Variants in TDP1 observed in about 807,000 individuals in gnomAD.
TDP1 encodes tyrosyl-DNA phosphodiesterase 1, also known as tyr-DNA phosphodiesterase 1.
TDP1 carries 64 observed loss-of-function variants against 81.5 expected under a neutral mutation model. That is an observed-to-expected ratio of 0.79 (90% CI 0.64 to 0.97). The LOEUF (loss-of-function observed/expected upper bound fraction) is 0.97, where lower values mean the gene tolerates loss of function less well. TDP1 is among the 50% of genes least tolerant of loss of function. TDP1 has a pLI of 0.00. For missense variants in TDP1, 723 were observed against 743.8 expected, an observed-to-expected ratio of 0.97 and a Z score of 0.33; for synonymous variants, 256 against 264.3, an observed-to-expected ratio of 0.97 and a Z score of 0.30.
chr14:90,006,783 C>T (rs1385666915), intron 14 of TDP1, among the ~76,000 whole-genome samples: 1 of 152,202 alleles, frequency 6.6e-6, no homozygotes, highest in African/African-American at 2.4e-5. Flanking sequence ...AGGTGATCCG[C>T]CCACCTCAGC....
intron 14 of TDP1, among the ~76,000 whole-genome samples, chr14:90,012,780 T>TG: frequency 6.6e-6 from 1 of 152,008 alleles, no homozygotes; most frequent in Non-Finnish European, 1.5e-5. Flanking sequence ...ACAGCTTGCA[T>TG]GGTGGGCCTG....
At chr14:89,982,330 C>T (rs553663918) in intron 8 of TDP1, among the ~76,000 whole-genome samples, 27 of 152,306 alleles carry the variant, frequency 1.8e-4, no homozygotes, top group Non-Finnish European at 3.1e-4. Context: ...TCTTGATCTA[C>T]TGAATTTATG....
chr14:89,987,447 CT>C (rs990341932), intron 10 of TDP1, among the ~76,000 whole-genome samples: 29 of 152,308 alleles, frequency 1.9e-4, no homozygotes, highest in African/African-American at 7.0e-4. Flanking sequence ...TAAGTACAGG[CT>C]TCCTGTCTTA....
intron 9 of TDP1, 137 bp downstream of exon 9, chr14:89,984,820 C>T (rs924947200): frequency 6.4e-7 from 1 of 1,570,020 alleles, no homozygotes; most frequent in East Asian, 2.3e-5. Flanking sequence ...AGGGGATGAG[C>T]AGATTCTATC....
chr14:90,005,328 G>A (rs1239159302), intron 14 of TDP1, among the ~76,000 whole-genome samples: 1 of 152,170 alleles, frequency 6.6e-6, no homozygotes, highest in African/African-American at 2.4e-5. Flanking sequence ...AGAGAGATGA[G>A]TGCAAGTAAT....
At chr14:89,994,465 T>TA (rs1896494736) in intron 14 of TDP1, among the ~76,000 whole-genome samples, 1 of 152,224 alleles carries the variant, frequency 6.6e-6, no homozygotes, top group African/African-American at 2.4e-5. Context: ...CAAAGTGTAA[T>TA]AAAAAGGTGA....
At chr14:90,042,374 GT>G (rs1888441457) in intron 16 of TDP1, among the ~76,000 whole-genome samples, 2 of 152,084 alleles carry the variant, frequency 1.3e-5, no homozygotes, top group Admixed American at 1.3e-4. Context: ...CTCAGTCCTC[GT>G]GACAGCTCCA....
intron 14 of TDP1, among the ~76,000 whole-genome samples, chr14:90,017,767 G>A (rs1296615313): frequency 2.0e-5 from 3 of 152,310 alleles, no homozygotes; most frequent in South Asian, 2.1e-4. Context: ...ACAGGTGAAA[G>A]ACCTAAAAGC....
Position 90,043,296 on chromosome 14 carries a change from A to C in TDP1, c.*153A>C. ...ACTCTTATGAATGGATGTTGGTTAT[A>C]CTTTTAATGGACATTAACATTCCTA... is the stretch of plus-strand genomic sequence containing the variant. On this transcript the variant is annotated 3_prime_UTR_variant, in exon 17 of 17. Coordinates refer to ENST00000335725, the MANE Select transcript of TDP1 (RefSeq NM_018319.4). 1 of 826,618 alleles carries C rather than the reference A, an allele frequency of 1.2e-6. No homozygotes were observed. The highest frequency in any genetic ancestry group is 2.0e-6 in the Non-Finnish European group (1 of 499,446). 51.2% of individuals were successfully genotyped at this position (826,618 alleles called of 1,614,324 possible).
intron 3 of TDP1, chr14:89,965,739 A>G: frequency 1.0e-6 from 1 of 983,656 alleles, no homozygotes; most frequent in Non-Finnish European, 1.2e-6. Context: ...TAAACTGTCC[A>G]CATTTATAAA....
Position 90,039,673 on chromosome 14 carries a change from T to TTA in TDP1, c.1754-3397_1754-3396insTA, listed in dbSNP as rs1202866570. Among the ~76,000 whole-genome samples, 349 of 140,936 alleles carry TTA rather than the reference T, an allele frequency of 2.5e-3. 1 individual carries two copies. The highest frequency in any genetic ancestry group is 8.8e-3 in the African/African-American group (342 of 38,974). The allele number at this position is 140,936 out of a possible 152,430, so 92.5% of individuals were successfully genotyped here. ...ACGTCACTTGGATTTATCTGATTAT[T>TTA]AAAAAAAAAAAAAAGAAACTGTTAA... On this transcript the variant is annotated intron_variant, in intron 16 of 16. Transcript: ENST00000335725.
At chr14:89,970,770 T>TA in intron 5 of TDP1, 1 of 952,928 alleles carries the variant, frequency 1.0e-6, no homozygotes, top group Non-Finnish European at 1.2e-6. Flanking sequence ...TATCGAGTGA[T>TA]AAGGAAGCTA....
At chr14:90,001,063 T>C (rs1030942607) in intron 14 of TDP1, among the ~76,000 whole-genome samples, 1 of 152,334 alleles carries the variant, frequency 6.6e-6, no homozygotes, top group East Asian at 1.9e-4. Context: ...ATGGTTCCTA[T>C]TGGGTCTACG....
chr14:89,982,701 G>A (rs1348782709), intron 8 of TDP1, among the ~76,000 whole-genome samples: 1 of 152,096 alleles, frequency 6.6e-6, no homozygotes, highest in African/African-American at 2.4e-5. Flanking sequence ...TTATTGACTA[G>A]GTAGGAACGG....
rs1176557329 is a variant in TDP1 at position 90,043,025 on chromosome 14, A to T, written c.1754-45A>T. 3 of 1,613,756 alleles carry T rather than the reference A, an allele frequency of 1.9e-6. No individual in the cohort carries two copies. In the Admixed American group the frequency reaches 5.0e-5, roughly 27 times the overall value. On this transcript the variant is annotated intron_variant, in intron 16 of 16. Transcript: ENST00000335725. ...ATGCCATCAGGTGAGTGCATTTTCT[A>T]CCATCCTATTCAAATAAATATTACG...
rs970439692 is a variant in TDP1 at position 89,956,820 on chromosome 14, C to G, written c.-8+20C>G. 2.6e-5 allele frequency: 4 copies of G among 151,344 alleles called. No homozygotes were observed. Among genetic ancestry groups the G allele is most frequent in the Non-Finnish European group, 5.9e-5 (4 of 68,034 alleles). 9.4% of individuals were successfully genotyped at this position (151,344 alleles called of 1,614,324 possible). ...GCTAAGGTAGGAGAATTGCTTGAACCTGGGAGGCAGAGAGGTTGGAGTGAG... is the reference window on the plus strand; with the variant it reads ...GCTAAGGTAGGAGAATTGCTTGAACGTGGGAGGCAGAGAGGTTGGAGTGAG... On this transcript the variant is annotated intron_variant, in intron 2 of 16. Coordinates refer to ENST00000335725, the MANE Select transcript of TDP1 (RefSeq NM_018319.4).
intron 7 of TDP1, among the ~76,000 whole-genome samples, chr14:89,978,435 A>G (rs1894598011): frequency 6.6e-6 from 1 of 152,210 alleles, no homozygotes; most frequent in Non-Finnish European, 1.5e-5. Flanking sequence ...GGTGCTTGCC[A>G]TATGTTAGTT....
chr14:90,022,739 C>T, intron 15 of TDP1: 1 of 985,266 alleles, frequency 1.0e-6, no homozygotes, highest in Non-Finnish European at 1.2e-6. Context: ...TGTGAAGCTT[C>T]TGGAAAAAAA....
intron 14 of TDP1, among the ~76,000 whole-genome samples, chr14:89,999,875 T>G (rs1897039887): frequency 2.0e-5 from 3 of 152,216 alleles, no homozygotes; most frequent in Admixed American, 1.3e-4. Flanking sequence ...CTTGCATTAG[T>G]TTTCTGTTGC....
Sources: allele counts gnomAD v4.1 joint callset (sites outside exome capture counted in the v4.1 genomes callset), GRCh38; gene constraint gnomAD v4.1.1; transcripts MANE v1.5; gene names NCBI Gene and HGNC (gene_info 2026-07-23, HGNC 2026-07-21).